Variants in ARID1B observed in about 807,000 individuals in gnomAD.
ARID1B encodes AT-rich interactive domain-containing protein 1B.
Under a neutral mutation model 212.3 loss-of-function variants are expected in ARID1B, and 30 were observed. That is an observed-to-expected ratio of 0.14 (90% CI 0.11 to 0.19). The LOEUF (loss-of-function observed/expected upper bound fraction) is 0.19. Among genes scored for constraint, ARID1B ranks in the 10% least tolerant of loss-of-function variants. The probability of loss-of-function intolerance (pLI) is 1.00; values close to 1 mark genes in which losing one functional copy is unlikely to be tolerated. For synonymous variants in ARID1B, 1,402 were observed against 1,301.7 expected, an observed-to-expected ratio of 1.08 and a Z score of -1.66; for missense variants, 2,891 against 3,204.0, an observed-to-expected ratio of 0.90 and a Z score of 2.36.
intron 4 of ARID1B, among the ~76,000 whole-genome samples, chr6:157,052,104 A>T (rs1349812548): frequency 6.6e-6 from 1 of 152,232 alleles, no homozygotes; most frequent in African/African-American, 2.4e-5. Context: ...TTTACCAAGT[A>T]ATGACGTAGG....
chr6:157,144,685 A>G (rs1789598655), intron 7 of ARID1B, among the ~76,000 whole-genome samples: 1 of 152,056 alleles, frequency 6.6e-6, no homozygotes, highest in Non-Finnish European at 1.5e-5. Context: ...TGGGAAGAGG[A>G]AGGGCCCAGC....
chr6:157,159,560 G>A (rs935220757), intron 8 of ARID1B, among the ~76,000 whole-genome samples: 2 of 152,194 alleles, frequency 1.3e-5, no homozygotes, highest in Admixed American at 6.5e-5. Flanking sequence ...GTAACAGGTC[G>A]GAACCTTCTG....
At chr6:156,966,925 C>T (rs1346876396) in intron 4 of ARID1B, among the ~76,000 whole-genome samples, 7 of 151,988 alleles carry the variant, frequency 4.6e-5, no homozygotes, top group Non-Finnish European at 8.8e-5. Flanking sequence ...GTCTCGAACT[C>T]CTGACCTCAG....
Position 156,829,244 on chromosome 6 carries a change from A to G in ARID1B, c.1809A>G (p.Pro603=), listed in dbSNP as rs1477591275. 1.2e-6 allele frequency: 2 copies of G among 1,614,008 alleles called. No individual in the cohort carries two copies. Among genetic ancestry groups the G allele is most frequent in the East Asian group, 4.5e-5 (2 of 44,892 alleles). The part of the protein sequence containing the change: ...MGRSQGSPMD[P]MVMKRPQLYG... ...CTTCACAGGGCAGCCCAATGGATCC[A>G]ATGGTGATGAAGAGACCTCAGTTGT... is the stretch of plus-strand genomic sequence containing the variant. The change falls in exon 2 of 20, where the codon CCA becomes CCG. Residue 603 remains proline, a synonymous_variant. Transcript: ENST00000636930.
intron 8 of ARID1B, among the ~76,000 whole-genome samples, chr6:157,155,712 G>C (rs1342687684): frequency 6.6e-6 from 1 of 152,112 alleles, no homozygotes; most frequent in Non-Finnish European, 1.5e-5. Flanking sequence ...TCATTAACAG[G>C]GTGAATAAAT....
At chr6:157,154,725 C>A (rs796360476) in intron 8 of ARID1B, among the ~76,000 whole-genome samples, 11 of 151,902 alleles carry the variant, frequency 7.2e-5, no homozygotes, top group African/African-American at 2.7e-4. Flanking sequence ...ACTACAGGCA[C>A]CTGCCACCAT....
At chr6:157,181,302 T>C (rs1408317644) in intron 12 of ARID1B, 124 bp downstream of exon 12, 1 of 1,276,032 alleles carries the variant, frequency 7.8e-7, no homozygotes, top group Non-Finnish European at 1.1e-6. Flanking sequence ...TGTGTGAAAG[T>C]CGCCTTCTTG....
intron 3 of ARID1B, among the ~76,000 whole-genome samples, chr6:156,923,462 A>G (rs1265817449): frequency 6.6e-6 from 1 of 152,122 alleles, no homozygotes; most frequent in African/African-American, 2.4e-5. Flanking sequence ...CTTGGTTCCC[A>G]TCCCTTCTCC....
intron 4 of ARID1B, among the ~76,000 whole-genome samples, chr6:157,001,163 G>A (rs1271063793): frequency 3.3e-5 from 5 of 152,144 alleles, no homozygotes; most frequent in African/African-American, 9.7e-5. Context: ...GCAAGGAAAC[G>A]GGGTAGGTGA....
At chr6:157,122,962 A>C (rs62424328) in intron 6 of ARID1B, among the ~76,000 whole-genome samples, 1 of 152,248 alleles carries the variant, frequency 6.6e-6, no homozygotes, top group Admixed American at 6.5e-5. Flanking sequence ...GATTACAGGC[A>C]TGAGCCACCG....
At chr6:156,890,642 G>T (rs182634688) in intron 2 of ARID1B, among the ~76,000 whole-genome samples, 1 of 152,226 alleles carries the variant, frequency 6.6e-6, no homozygotes, top group Non-Finnish European at 1.5e-5. Flanking sequence ...CCCAGCTTGT[G>T]GGTGTGGGTG....
At chr6:157,041,316 A>G (rs1186157787) in intron 4 of ARID1B, among the ~76,000 whole-genome samples, 3 of 152,228 alleles carry the variant, frequency 2.0e-5, no homozygotes, top group African/African-American at 7.2e-5. Context: ...ATGTGATTAC[A>G]TTACTAAACA....
chr6:156,989,338 G>A (rs1017246665), intron 4 of ARID1B, among the ~76,000 whole-genome samples: 2 of 152,176 alleles, frequency 1.3e-5, no homozygotes, highest in Non-Finnish European at 2.9e-5. Flanking sequence ...TGGTCAAGGT[G>A]AAGTAGGATT....
At chr6:157,047,081 C>T (rs1057403951) in intron 4 of ARID1B, among the ~76,000 whole-genome samples, 8 of 152,086 alleles carry the variant, frequency 5.3e-5, no homozygotes, top group Admixed American at 3.9e-4. Context: ...ATTGGCATTT[C>T]GCAGCTCAAA....
chr6:157,200,825 T>C lies in ARID1B; in HGVS notation c.4600T>C (p.Tyr1534His). The change falls in exon 18 of 20, where the codon TAC becomes CAC. Residue 1534 changes from tyrosine to histidine, a missense_variant. By Grantham distance (83) the Tyr-to-His change is moderately conservative. Around this residue, in one of 7 missense-constraint regions of ARID1B, gnomAD observed 666 missense variants for 873.5 expected, o/e 0.76. Coordinates refer to ENST00000636930, the MANE Select transcript of ARID1B (RefSeq NM_001374828.1). This position sits in a 1 kb window ranked among gnomAD's most constrained non-coding sequence, Gnocchi z 4.3. ...GATGTACAACCAGTATGGAGGCTCCTACTCGGGCCCGGACCGCAGGCCCAT... is the reference window on the plus strand; with the variant it reads ...GATGTACAACCAGTATGGAGGCTCCCACTCGGGCCCGGACCGCAGGCCCAT... Reference protein sequence around the residue: ...QEMYNQYGGSYSGPDRRPIQG... With the variant: ...QEMYNQYGGSHSGPDRRPIQG... 2 of 1,614,098 alleles carry C rather than the reference T, an allele frequency of 1.2e-6. No individual in the cohort carries two copies. The highest frequency in any genetic ancestry group is 1.7e-6 in the Non-Finnish European group (2 of 1,180,018).
intron 4 of ARID1B, among the ~76,000 whole-genome samples, chr6:156,960,430 G>A (rs1185605419): frequency 1.3e-5 from 2 of 152,066 alleles, no homozygotes; most frequent in Non-Finnish European, 1.5e-5. Context: ...TAAAATAAAA[G>A]TATATTTTCA....
intron 2 of ARID1B, among the ~76,000 whole-genome samples, chr6:156,833,365 C>T (rs980468117): frequency 1.3e-5 from 2 of 152,054 alleles, no homozygotes; most frequent in African/African-American, 2.4e-5. Context: ...TAATATAAAA[C>T]GGCACCCAGG....
intron 2 of ARID1B, among the ~76,000 whole-genome samples, chr6:156,891,952 G>C (rs1045290656): frequency 1.3e-5 from 2 of 148,862 alleles, no homozygotes; most frequent in Non-Finnish European, 3.0e-5. Flanking sequence ...GCTCACTGCA[G>C]TCTCTGCCTC....
chr6:156,854,167 T>C (rs1477862441), intron 2 of ARID1B, among the ~76,000 whole-genome samples: 1 of 152,242 alleles, frequency 6.6e-6, no homozygotes. Context: ...TTCAGGGAGT[T>C]GTGAATTGTG....
Sources: allele counts gnomAD v4.1 joint callset (sites outside exome capture counted in the v4.1 genomes callset), GRCh38; gene constraint gnomAD v4.1.1; regional missense constraint gnomAD v4.1.1; non-coding constraint Gnocchi (gnomAD v3.1); transcripts MANE v1.5; gene names NCBI Gene and HGNC (gene_info 2026-07-23, HGNC 2026-07-21).